SPIDR: variants seen among roughly 807,000 people sequenced by gnomAD.
The protein encoded by SPIDR is scaffold protein involved in DNA repair.
SPIDR carries 93 observed loss-of-function variants against 104.6 expected under a neutral mutation model. That is an observed-to-expected ratio of 0.89 (90% CI 0.75 to 1.06). SPIDR has a LOEUF of 1.06. SPIDR is among the 50% of genes least tolerant of loss of function. SPIDR has a pLI of 0.00. For missense variants in SPIDR, 1,154 were observed against 1,111.2 expected (o/e 1.04, Z -0.55); for synonymous variants, 431 against 416.9 (o/e 1.03, Z -0.41).
intron 6 of SPIDR, among the ~76,000 whole-genome samples, chr8:47,402,330 C>G (rs1473034418): frequency 6.6e-6 from 1 of 152,098 alleles, no homozygotes; most frequent in Non-Finnish European, 1.5e-5. Flanking sequence ...CAAAAGCTAG[C>G]AGAAGGCAAG....
Position 47,443,291 on chromosome 8 carries a change from C to T in SPIDR, c.1097+2749C>T, listed in dbSNP as rs141180417. 5.3e-5 allele frequency among the ~76,000 whole-genome samples: 8 copies of T among 151,952 alleles called. No homozygotes were observed. The South Asian group carries it at 6.2e-4, about 12-fold the overall frequency. ...TAATGCTTAAGAAAATAGAAGAGGC[C>T]GGGCGCATTAGTTCACGCCTATAAT... On this transcript the variant is annotated intron_variant, in intron 8 of 19. Transcript: ENST00000297423.
chr8:47,519,765 A>G (rs567474173), intron 8 of SPIDR, among the ~76,000 whole-genome samples: 24 of 152,326 alleles, frequency 1.6e-4, no homozygotes, highest in African/African-American at 5.8e-4. Context: ...AGCCTAAGTA[A>G]CAGAGCAAGA....
At chr8:47,587,015 C>G (rs548964503) in intron 8 of SPIDR, among the ~76,000 whole-genome samples, 8 of 152,300 alleles carry the variant, frequency 5.3e-5, no homozygotes, top group African/African-American at 1.9e-4. Context: ...GTTGATCCGT[C>G]AGCCTTGGCC....
intron 10 of SPIDR, among the ~76,000 whole-genome samples, chr8:47,653,176 C>T (rs950499627): frequency 6.6e-6 from 1 of 152,190 alleles, no homozygotes; most frequent in Non-Finnish European, 1.5e-5. Context: ...CTCTGAAAGC[C>T]TGTGTGACTC....
chr8:47,403,110 A>G (rs778591858), intron 6 of SPIDR, among the ~76,000 whole-genome samples: 2 of 152,170 alleles, frequency 1.3e-5, no homozygotes, highest in African/African-American at 4.8e-5. Flanking sequence ...AACCACATGA[A>G]TATCTCAATA....
chr8:47,579,240 G>A (rs1444825313), intron 8 of SPIDR, among the ~76,000 whole-genome samples: 2 of 152,110 alleles, frequency 1.3e-5, no homozygotes, highest in African/African-American at 4.8e-5. Context: ...AAACAGAGGT[G>A]GTGTCAAAGC....
At chr8:47,489,644 C>G (rs530404597) in intron 8 of SPIDR, among the ~76,000 whole-genome samples, 2 of 152,198 alleles carry the variant, frequency 1.3e-5, no homozygotes, top group African/African-American at 4.8e-5. Flanking sequence ...GTACTGGTAC[C>G]AAAACAGAGA....
At chr8:47,522,849 A>C (rs1435738939) in intron 8 of SPIDR, among the ~76,000 whole-genome samples, 1 of 152,032 alleles carries the variant, frequency 6.6e-6, no homozygotes, top group Non-Finnish European at 1.5e-5. Flanking sequence ...AAAGCTCTTT[A>C]TTATGCATTA....
intron 8 of SPIDR, among the ~76,000 whole-genome samples, chr8:47,461,350 G>A (rs529744577): frequency 4.6e-4 from 70 of 152,256 alleles, no homozygotes; most frequent in Non-Finnish European, 7.9e-4. Flanking sequence ...GTTTTAGATG[G>A]AGTCTCGCTC....
At chr8:47,709,210 G>A (rs1184653791) in intron 14 of SPIDR, among the ~76,000 whole-genome samples, 2 of 152,034 alleles carry the variant, frequency 1.3e-5, no homozygotes, top group African/African-American at 4.8e-5. Flanking sequence ...GCATGACCTC[G>A]GCTCACTGCA....
intron 5 of SPIDR, among the ~76,000 whole-genome samples, chr8:47,314,879 G>T (rs2044988384): frequency 1.3e-5 from 2 of 152,186 alleles, no homozygotes; most frequent in South Asian, 4.1e-4. Context: ...AAGACTTCCT[G>T]TATTCTGTCT....
Position 47,368,621 on chromosome 8 carries a change from A to G in SPIDR, c.526-27755A>G, listed in dbSNP as rs1484699049. The stretch of plus-strand genomic sequence containing the variant: ...ATGTCTTTTCTGCGCAGAAGTGGTT[A>G]ACATATGACTAACCTATGGAAAAGA... On this transcript the variant is annotated intron_variant, in intron 5 of 19. Transcript: ENST00000297423. Among the ~76,000 whole-genome samples, 5 of 152,264 alleles carry G rather than the reference A, an allele frequency of 3.3e-5. No homozygotes were observed. The East Asian group carries it at 7.7e-4, about 24-fold the overall frequency.
intron 5 of SPIDR, among the ~76,000 whole-genome samples, chr8:47,381,495 C>T (rs1200333105): frequency 6.6e-6 from 1 of 152,206 alleles, no homozygotes; most frequent in East Asian, 1.9e-4. Context: ...ACTCTTTGTT[C>T]TTTCCTTATG....
chr8:47,702,625 A>G (rs2080469424), intron 14 of SPIDR, among the ~76,000 whole-genome samples: 1 of 152,172 alleles, frequency 6.6e-6, no homozygotes, highest in African/African-American at 2.4e-5. Context: ...TGCATGGACT[A>G]CATTCTGCTA....
intron 8 of SPIDR, among the ~76,000 whole-genome samples, chr8:47,585,934 A>T (rs2060207790): frequency 6.6e-6 from 1 of 152,186 alleles, no homozygotes; most frequent in Non-Finnish European, 1.5e-5. Flanking sequence ...ATTAAGCTTC[A>T]ACATGAGTTT....
At chr8:47,657,745 G>A (rs1443345548) in intron 10 of SPIDR, among the ~76,000 whole-genome samples, 1 of 152,048 alleles carries the variant, frequency 6.6e-6, no homozygotes, top group African/African-American at 2.4e-5. Context: ...TAATAAAAAG[G>A]CAGGCTTGAA....
rs114018688 is a variant in SPIDR, at chr8:47,508,762, C to T, written c.1097+68220C>T. Among the ~76,000 whole-genome samples, 303 of 152,194 alleles carry T rather than the reference C, an allele frequency of 2.0e-3. 1 individual carries two copies. The highest frequency in any genetic ancestry group is 6.6e-3 in the African/African-American group (273 of 41,518). ...AGTCTCCATTTGTATCTGACCCCCA[C>T]GCAGCTTCCACCCCACCATCAGGAC... On this transcript the variant is annotated intron_variant, in intron 8 of 19. Coordinates refer to ENST00000297423, the MANE Select transcript of SPIDR (RefSeq NM_001080394.4).
intron 5 of SPIDR, among the ~76,000 whole-genome samples, chr8:47,328,652 G>C (rs1349497115): frequency 2.6e-5 from 4 of 152,044 alleles, no homozygotes; most frequent in Non-Finnish European, 5.9e-5. Context: ...CCCTTGTTTA[G>C]TGTATTGTAT....
At chr8:47,406,638 A>C (rs1003469228) in intron 6 of SPIDR, among the ~76,000 whole-genome samples, 19 of 152,232 alleles carry the variant, frequency 1.2e-4, no homozygotes, top group Admixed American at 5.2e-4. Context: ...TTATGTATTT[A>C]TTAAAATATT....
Sources: allele counts gnomAD v4.1 joint callset (sites outside exome capture counted in the v4.1 genomes callset), GRCh38; gene constraint gnomAD v4.1.1; transcripts MANE v1.5; gene names NCBI Gene and HGNC (gene_info 2026-07-23, HGNC 2026-07-21).